The following AGBL4 variants were observed in gnomAD, a reference collection of about 807,000 sequenced individuals.
AGBL4 encodes AGBL carboxypeptidase 4.
In AGBL4, 58 loss-of-function variants were observed where a neutral mutation model predicts 66.4. The ratio of observed to expected loss-of-function variants is 0.87; its 90% CI spans 0.71 to 1.09. AGBL4 has a LOEUF of 1.09. AGBL4 is among the 50% of genes least tolerant of loss of function. AGBL4 has a pLI of 0.00. For missense variants in AGBL4, 579 were observed against 631.0 expected, an observed-to-expected ratio of 0.92 and a Z score of 0.88; for synonymous variants, 234 against 222.9, an observed-to-expected ratio of 1.05 and a Z score of -0.44.
chr1:49,741,278 C>T (rs530771727), intron 2 of AGBL4, among the ~76,000 whole-genome samples: 20 of 152,244 alleles, frequency 1.3e-4, no homozygotes, highest in Admixed American at 9.2e-4. Context: ...AACACCTCTA[C>T]GAAAATGAAC....
intron 11 of AGBL4, among the ~76,000 whole-genome samples, chr1:48,575,125 C>T (rs762729913): frequency 1.3e-5 from 2 of 152,128 alleles, no homozygotes; most frequent in Admixed American, 1.3e-4. Context: ...TAGTGATTTG[C>T]TCGAGATCAC....
At chr1:49,098,865 T>C (rs1399596451) in intron 4 of AGBL4, among the ~76,000 whole-genome samples, 1 of 152,246 alleles carries the variant, frequency 6.6e-6, no homozygotes, top group Non-Finnish European at 1.5e-5. Context: ...AAACCTATTT[T>C]GATACATGGC....
At chr1:49,173,119 CA>C (rs550200428) in intron 4 of AGBL4, among the ~76,000 whole-genome samples, 45 of 142,526 alleles carry the variant, frequency 3.2e-4, no homozygotes, top group South Asian at 6.6e-4. Flanking sequence ...AACTCTGTCT[CA>C]AAAAAAAAAA....
chr1:49,221,870 T>C (rs1649522359), intron 4 of AGBL4, among the ~76,000 whole-genome samples: 2 of 152,162 alleles, frequency 1.3e-5, no homozygotes, highest in Admixed American at 6.5e-5. Context: ...ACAGAAAAAG[T>C]GTTTAACCCA....
intron 3 of AGBL4, among the ~76,000 whole-genome samples, chr1:49,387,682 A>G (rs1204217889): frequency 6.6e-6 from 1 of 152,024 alleles, no homozygotes; most frequent in Non-Finnish European, 1.5e-5. Context: ...TTATGTTTCT[A>G]TGTTTTCAAA....
chr1:49,399,413 C>T (rs1236617739), intron 3 of AGBL4, among the ~76,000 whole-genome samples: 1 of 152,012 alleles, frequency 6.6e-6, no homozygotes, highest in Non-Finnish European at 1.5e-5. Context: ...TTTGGAGAAA[C>T]CTCCAAATTG....
At chr1:49,209,906 A>G (rs1405782289) in intron 4 of AGBL4, among the ~76,000 whole-genome samples, 1 of 152,132 alleles carries the variant, frequency 6.6e-6, no homozygotes, top group East Asian at 1.9e-4. Context: ...CAAGAGAATA[A>G]ACTTCATGAG....
chr1:48,545,551 A>T (rs1035158758), intron 11 of AGBL4, among the ~76,000 whole-genome samples: 2 of 152,204 alleles, frequency 1.3e-5, no homozygotes, highest in African/African-American at 2.4e-5. Context: ...ATTAATAGAT[A>T]AAAAATTGGG....
intron 2 of AGBL4, among the ~76,000 whole-genome samples, chr1:49,756,900 C>A (rs562435965): frequency 5.3e-5 from 8 of 152,082 alleles, no homozygotes; most frequent in Admixed American, 5.2e-4. Flanking sequence ...TTCTTTATAG[C>A]AGCTGAGAAC....
intron 4 of AGBL4, among the ~76,000 whole-genome samples, chr1:49,175,274 G>C (rs1186066439): frequency 6.6e-6 from 1 of 151,926 alleles, no homozygotes; most frequent in Non-Finnish European, 1.5e-5. Context: ...GGCATTGAAA[G>C]GATATTAGGA....
intron 3 of AGBL4, among the ~76,000 whole-genome samples, chr1:49,481,473 C>T (rs1385107098): frequency 6.6e-6 from 1 of 152,060 alleles, no homozygotes; most frequent in Non-Finnish European, 1.5e-5. Flanking sequence ...GACTTTTGCA[C>T]ATTGATTTTG....
intron 2 of AGBL4, among the ~76,000 whole-genome samples, chr1:49,740,709 C>T (rs1195570833): frequency 6.6e-6 from 1 of 152,114 alleles, no homozygotes; most frequent in East Asian, 1.9e-4. Context: ...TCTCTCAGAC[C>T]ACAGTGCAAT....
At chr1:48,777,960 G>A (rs1332391262) in intron 6 of AGBL4, among the ~76,000 whole-genome samples, 4 of 152,160 alleles carry the variant, frequency 2.6e-5, no homozygotes, top group African/African-American at 9.7e-5. Context: ...ACCAGCCAAA[G>A]GGGGCTGATT....
chr1:49,485,820 G>T (rs1647054525), intron 3 of AGBL4, among the ~76,000 whole-genome samples: 1 of 151,792 alleles, frequency 6.6e-6, no homozygotes, highest in African/African-American at 2.4e-5. Flanking sequence ...CCACAGGCTG[G>T]GAAGGGTAGT....
At chr1:49,205,641 T>C (rs1260368884) in intron 4 of AGBL4, among the ~76,000 whole-genome samples, 2 of 152,064 alleles carry the variant, frequency 1.3e-5, no homozygotes, top group Non-Finnish European at 2.9e-5. Context: ...AGTAGTATGA[T>C]TATGTTCCTC....
chr1:48,717,533 T>G (rs1411605769), intron 6 of AGBL4, among the ~76,000 whole-genome samples: 1 of 152,224 alleles, frequency 6.6e-6, no homozygotes, highest in African/African-American at 2.4e-5. Context: ...CGTGTGTGTG[T>G]GCGCGCGTGC....
At chr1:49,720,442 T>C (rs987066055) in intron 2 of AGBL4, among the ~76,000 whole-genome samples, 5 of 152,202 alleles carry the variant, frequency 3.3e-5, no homozygotes, top group Non-Finnish European at 5.9e-5. Context: ...TAAAAAGTCC[T>C]GTGTCCTTGG....
intron 4 of AGBL4, among the ~76,000 whole-genome samples, chr1:49,105,721 T>C (rs1007247890): frequency 4.5e-4 from 69 of 152,276 alleles, no homozygotes; most frequent in African/African-American, 1.6e-3. Flanking sequence ...ATCTGCAAAA[T>C]GAAGTAATAA....
rs562577275 is a variant in AGBL4 at position 48,548,078 on chromosome 1, A to C, written c.1268-8340T>G. Reference sequence around the variant, plus strand: ...TTTTAGACACTTGGGATATACAGTGAACAAAACTGGCAAAGACCTCTGTCT... The same window carrying C: ...TTTTAGACACTTGGGATATACAGTGCACAAAACTGGCAAAGACCTCTGTCT... On this transcript the variant is annotated intron_variant, in intron 11 of 13. Transcript: ENST00000371839. 3.3e-4 allele frequency among the ~76,000 whole-genome samples: 50 copies of C among 152,332 alleles called. No homozygotes were observed. The South Asian group carries it at 9.9e-3, about 30-fold the overall frequency.
Sources: allele counts gnomAD v4.1 joint callset (sites outside exome capture counted in the v4.1 genomes callset), GRCh38; gene constraint gnomAD v4.1.1; transcripts MANE v1.5; gene names NCBI Gene and HGNC (gene_info 2026-07-23, HGNC 2026-07-21).